PRPF19: variants seen among roughly 807,000 people sequenced by gnomAD.
The protein encoded by PRPF19 is pre-mRNA-processing factor 19.
Under a neutral mutation model 64.2 loss-of-function variants are expected in PRPF19, and 2 were observed. The ratio of observed to expected loss-of-function variants is 0.03; its 90% CI spans 0.01 to 0.10. The LOEUF is 0.10. PRPF19 is among the 10% of genes least tolerant of loss of function. The pLI is 1.00. For missense variants in PRPF19, 314 were observed against 650.0 expected, an observed-to-expected ratio of 0.48 and a Z score of 5.62; for synonymous variants, 226 against 251.6, an observed-to-expected ratio of 0.90 and a Z score of 0.96.
chr11:60,904,488 T>G (rs1856020454), intron 1 of PRPF19, among the ~76,000 whole-genome samples: 1 of 152,220 alleles, frequency 6.6e-6, no homozygotes, highest in Non-Finnish European at 1.5e-5. Context: ...CCCCTTCAGA[T>G]GCCAATCGCA....
Position 60,891,178 on chromosome 11 carries a change from G to T in PRPF19, c.1503C>A (p.Phe501Leu), listed in dbSNP as rs747946929. ...GAAGGGCCAGGGCCTACAGGCTGTA[G>T]AACTTGAGGCTTCTGTCCATGCCTG... Reference protein sequence around the residue: ...ASTGMDRSLKFYSL With the variant: ...ASTGMDRSLKLYSL The change falls in exon 16 of 16, where the codon TTC (phenylalanine) becomes TTA (leucine). Residue 501 changes from phenylalanine (F) to leucine (L), a missense_variant. Transcript: ENST00000227524. 3.1e-6 allele frequency: 5 copies of T among 1,591,338 alleles called. No homozygotes were observed. In the South Asian group the frequency reaches 4.4e-5, roughly 14 times the overall value.
intron 2 of PRPF19, 55 bp from the exon 3 acceptor site, chr11:60,903,590 T>A: frequency 1.3e-6 from 2 of 1,599,102 alleles, no homozygotes; most frequent in Non-Finnish European, 1.7e-6. Context: ...TCCCCCGCCA[T>A]CACATCTTTT....
chr11:60,906,334 G>T, intron 1 of PRPF19, 30 bp downstream of exon 1: 1 of 1,594,930 alleles, frequency 6.3e-7, no homozygotes, highest in East Asian at 2.3e-5. Flanking sequence ...GGCCTCCTGA[G>T]ACCCGCGCTT....
intron 15 of PRPF19, among the ~76,000 whole-genome samples, chr11:60,893,118 C>G (rs1855881251): frequency 6.6e-6 from 1 of 152,208 alleles, no homozygotes; most frequent in African/African-American, 2.4e-5. Context: ...TCATAACCAT[C>G]ATCATGTCAC....
At chr11:60,899,104 C>T (rs745650153) in intron 11 of PRPF19, 45 bp downstream of exon 11, 1 of 1,581,706 alleles carries the variant, frequency 6.3e-7, no homozygotes, top group South Asian at 1.1e-5. Context: ...GATGTTCAAG[C>T]TTGGGGACCA....
At chr11:60,906,325 G>A in intron 1 of PRPF19, 39 bp downstream of exon 1, 2 of 1,586,798 alleles carry the variant, frequency 1.3e-6, no homozygotes, top group South Asian at 1.1e-5. Flanking sequence ...CCGCTCTCTG[G>A]CCTCCTGAGA....
chr11:60,898,317 G>C lies in PRPF19; in HGVS notation c.1141-46C>G, dbSNP rs758710701. On this transcript the variant is annotated intron_variant, in intron 13 of 15. Transcript: ENST00000227524. The surrounding 1 kb of genome is among the most constrained non-coding windows in gnomAD (Gnocchi z 4.6). ...AAAATACGTCACCCACAGATCATGA[G>C]AGGAAGAAAATGGGGCTCACCAAAC... 3.1e-6 allele frequency: 5 copies of C among 1,595,912 alleles called. No homozygotes were observed. The highest frequency in any genetic ancestry group is 1.1e-5 in the South Asian group (1 of 89,054).
chr11:60,903,490 G>A lies in PRPF19; in HGVS notation c.215C>T (p.Pro72Leu), dbSNP rs1313122426. The A allele has an allele frequency of 6.2e-7, 1 of 1,613,972 alleles. No individual in the cohort carries two copies. Among genetic ancestry groups the A allele is most frequent in the Non-Finnish European group, 8.5e-7 (1 of 1,179,982 alleles). The change falls in exon 3 of 16, where the codon CCG (proline) becomes CTG (leucine). Residue 72 changes from proline (P) to leucine (L), a missense_variant. By Grantham distance (98) the Pro-to-Leu change is moderately conservative (BLOSUM62 -3). Coordinates refer to ENST00000227524, the MANE Select transcript of PRPF19 (RefSeq NM_014502.5). ...RPKPPSATSI[P>L]AILKALQDEW... ...ATCCTGCAAAGCTTTCAGAATGGCC[G>A]GGATGCTGGTGGCTGAGGGAGGCTT...
chr11:60,903,910 C>G lies in PRPF19; in HGVS notation c.20-49G>C, dbSNP rs371135291. On this transcript the variant is annotated intron_variant, in intron 1 of 15. Coordinates refer to ENST00000227524, the MANE Select transcript of PRPF19 (RefSeq NM_014502.5). The stretch of plus-strand genomic sequence containing the variant: ...AGCTTGGAGTGAAGGCAATCTTGGG[C>G]CTAGAGGATTCCTCATCTGCTATTA... The G allele has an allele frequency of 4.6e-5, 73 of 1,584,298 alleles. No homozygotes were observed. The African/African-American group carries it at 9.1e-4, about 20-fold the overall frequency.
At position 60,890,627 on chromosome 11, in the gene PRPF19, G is replaced by A. The variant is rs1367559100; in HGVS notation, c.*539C>T. The A allele has an allele frequency of 5.6e-6, 2 of 357,134 alleles. No homozygotes were observed. The highest frequency in any genetic ancestry group is 7.7e-5 in the East Asian group (1 of 12,956). The allele number at this position is 357,134 out of a possible 1,614,324, so 22.1% of individuals were successfully genotyped here. A position where few individuals can be genotyped will look rare whatever the true frequency, so the allele number is the denominator to read the frequency against. Reference sequence around the variant, plus strand: ...GGTAAGAGCTGTGAAAGGAAAGGAAGATGGGCTTCCCGGAAGCCAGTGTCC... The same window carrying A: ...GGTAAGAGCTGTGAAAGGAAAGGAAAATGGGCTTCCCGGAAGCCAGTGTCC... On this transcript the variant is annotated 3_prime_UTR_variant, in exon 16 of 16. Coordinates refer to ENST00000227524, the MANE Select transcript of PRPF19 (RefSeq NM_014502.5).
rs756178686 is a variant in PRPF19, at chr11:60,902,726, G to A, written c.388+14C>T. On this transcript the variant is annotated intron_variant, in intron 4 of 15. Coordinates refer to ENST00000227524, the MANE Select transcript of PRPF19 (RefSeq NM_014502.5). This position sits in a 1 kb window ranked among gnomAD's most constrained non-coding sequence, Gnocchi z 5.0. Reference sequence around the variant, plus strand: ...ACCAGCCCAGGGTGGGGGATGGCAGGGGAGAGGCTGCACCTTCTCGGGCAG... The same window carrying A: ...ACCAGCCCAGGGTGGGGGATGGCAGAGGAGAGGCTGCACCTTCTCGGGCAG... 1.9e-6 allele frequency: 3 copies of A among 1,614,210 alleles called. No individual in the cohort carries two copies. The highest frequency in any genetic ancestry group is 2.5e-6 in the Non-Finnish European group (3 of 1,180,048).
chr11:60,898,402 C>G lies in PRPF19; in HGVS notation c.1141-131G>C. On this transcript the variant is annotated intron_variant, in intron 13 of 15. Transcript: ENST00000227524. The surrounding 1 kb of genome is among the most constrained non-coding windows in gnomAD (Gnocchi z 4.6). ...AGGACAGCCAGCGGGACCCCCCAGACCACACCATCATATCACACACGCACA... is the reference window on the plus strand; with the variant it reads ...AGGACAGCCAGCGGGACCCCCCAGAGCACACCATCATATCACACACGCACA... 6.6e-7 allele frequency: 1 copy of G among 1,525,492 alleles called. No individual in the cohort carries two copies. The highest frequency in any genetic ancestry group is 1.4e-5 in the African/African-American group (1 of 72,860). 94.5% of individuals were successfully genotyped at this position (1,525,492 alleles called of 1,614,324 possible).
intron 10 of PRPF19, among the ~76,000 whole-genome samples, chr11:60,899,567 C>T (rs1451783605): frequency 6.6e-6 from 1 of 152,232 alleles, no homozygotes; most frequent in Non-Finnish European, 1.5e-5. Flanking sequence ...CAACAGAGAG[C>T]AATTTTCCCA....
In PRPF19 at chr11:60,902,788, A is replaced by T. The variant is rs745553086; in HGVS notation, c.340T>A (p.Cys114Ser). Residue 114 changes from cysteine to serine, a missense_variant, in exon 4 of 16, where the codon TGC becomes AGC. By Grantham distance (112) the Cys-to-Ser change is moderately radical. Around this residue, in one of 7 missense-constraint regions of PRPF19, gnomAD observed 17 missense variants for 32.2 expected, o/e 0.53. Transcript: ENST00000227524. The surrounding 1 kb of genome is among the most constrained non-coding windows in gnomAD (Gnocchi z 5.0). ...TTGGTGAGACGGGCAATGACACGGC[A>T]GGCGGCATCGTGCTGGTACAGAGCG... ...SHALYQHDAA[C>S]RVIARLTKEV... 1 of 1,614,186 alleles carries T rather than the reference A, an allele frequency of 6.2e-7. No homozygotes were observed. The highest frequency in any genetic ancestry group is 8.5e-7 in the Non-Finnish European group (1 of 1,180,016).
Position 60,898,422 on chromosome 11 carries a change from C to A in PRPF19, c.1140+119G>T. On this transcript the variant is annotated intron_variant, in intron 13 of 15. Coordinates refer to ENST00000227524, the MANE Select transcript of PRPF19 (RefSeq NM_014502.5). The surrounding 1 kb of genome is among the most constrained non-coding windows in gnomAD (Gnocchi z 4.6). Reference sequence around the variant, plus strand: ...CCAGACCACACCATCATATCACACACGCACAGCCAGTGTCTCTCCACCTTC... The same window carrying A: ...CCAGACCACACCATCATATCACACAAGCACAGCCAGTGTCTCTCCACCTTC... The A allele has an allele frequency of 2.6e-6, 4 of 1,543,534 alleles. No homozygotes were observed. The South Asian group carries it at 3.7e-5, about 14-fold the overall frequency.
chr11:60,897,890 T>C lies in PRPF19; in HGVS notation c.1373A>G (p.Gln458Arg). The change falls in exon 15 of 16, where the codon CAG becomes CGG. Residue 458 changes from glutamine (Q) to arginine (R), a missense_variant. By Grantham distance (43) the Gln-to-Arg change is conservative. Coordinates refer to ENST00000227524, the MANE Select transcript of PRPF19 (RefSeq NM_014502.5). ...TYLALGGTDV[Q>R]IYICKQWTEI... is the part of the protein sequence containing the mutation. ...CGTCCATTGTTTGCAGATGTAGATC[T>C]GGACATCCGTGCCCCCAAGAGCCAG... 2 of 1,614,244 alleles carry C rather than the reference T, an allele frequency of 1.2e-6. No individual in the cohort carries two copies. The highest frequency in any genetic ancestry group is 1.7e-6 in the Non-Finnish European group (2 of 1,180,044).
Position 60,898,298 on chromosome 11 carries a change from C to T in PRPF19, c.1141-27G>A, listed in dbSNP as rs751174535. On this transcript the variant is annotated intron_variant, in intron 13 of 15. Transcript: ENST00000227524. This position sits in a 1 kb window ranked among gnomAD's most constrained non-coding sequence, Gnocchi z 4.6. ...TACAGTGGCGGTGGGTAGTAAAATACGTCACCCACAGATCATGAGAGGAAG... is the reference window on the plus strand; with the variant it reads ...TACAGTGGCGGTGGGTAGTAAAATATGTCACCCACAGATCATGAGAGGAAG... 5.6e-6 allele frequency: 9 copies of T among 1,608,734 alleles called. No individual in the cohort carries two copies. The highest frequency in any genetic ancestry group is 3.4e-5 in the Admixed American group (2 of 59,374).
Position 60,899,156 on chromosome 11 carries a change from T to C in PRPF19, c.977A>G (p.Asp326Gly). Residue 326 changes from aspartate to glycine, a missense_variant, in exon 11 of 16, where the codon GAT becomes GGT. Physicochemically the swap from Asp to Gly is moderately conservative, Grantham distance 94. This residue lies in a region of PRPF19 where 175 missense variants were observed against 342.9 expected (regional missense o/e 0.51). Transcript: ENST00000227524. ...ATGDYLLSSS[D>G]DQYWAFSDIQ... Reference sequence around the variant, plus strand: ...CACTGGCTGGGACCGCACCTGATCATCGGAGGAGCTCAGGAGATAGTCGCC... The same window carrying C: ...CACTGGCTGGGACCGCACCTGATCACCGGAGGAGCTCAGGAGATAGTCGCC... The C allele has an allele frequency of 3.1e-6, 5 of 1,612,242 alleles. No individual in the cohort carries two copies. Among genetic ancestry groups the C allele is most frequent in the Non-Finnish European group, 3.4e-6 (4 of 1,179,232 alleles).
chr11:60,891,693 G>C (rs1855860428), intron 15 of PRPF19, among the ~76,000 whole-genome samples: 1 of 152,200 alleles, frequency 6.6e-6, no homozygotes, highest in African/African-American at 2.4e-5. Flanking sequence ...AGGCAGATGA[G>C]GCTGGGCAAC....
Sources: gnomAD v4.1 joint callset for allele counts (sites outside exome capture counted in the v4.1 genomes callset) on GRCh38, gnomAD v4.1.1 for gene constraint, gnomAD v4.1.1 regional missense constraint, Gnocchi (gnomAD v3.1) non-coding constraint, MANE v1.5 for transcripts, NCBI Gene and HGNC (gene_info 2026-07-23, HGNC 2026-07-21) for gene names.